Variants in MBNL3 observed in about 807,000 individuals in gnomAD.
The protein encoded by MBNL3 is muscleblind like splicing regulator 3.
In MBNL3, 6 loss-of-function variants were observed where a neutral mutation model predicts 24.5. The ratio of observed to expected loss-of-function variants is 0.25; its 90% CI spans 0.13 to 0.48. The LOEUF is 0.48. Among genes scored for constraint, MBNL3 ranks in the 20% least tolerant of loss-of-function variants. The probability of loss-of-function intolerance (pLI) is 0.99; values close to 1 mark genes in which losing one functional copy is unlikely to be tolerated. For synonymous variants in MBNL3, 100 were observed against 101.7 expected, an observed-to-expected ratio of 0.98 and a Z score of 0.10; for missense variants, 230 against 293.5, an observed-to-expected ratio of 0.78 and a Z score of 1.58.
chrX:132,409,476 A>G (rs769608750), intron 2 of MBNL3, among the ~76,000 whole-genome samples: 11 of 111,548 alleles, frequency 9.9e-5, no homozygotes, highest in Non-Finnish European at 2.1e-4. Context: ...AAGGTACCCT[A>G]TCACATTGGG....
chrX:132,457,158 A>G (rs758313841), intron 1 of MBNL3, among the ~76,000 whole-genome samples: 1 of 111,785 alleles, frequency 8.9e-6, no homozygotes, highest in Non-Finnish European at 1.9e-5. Context: ...TAAATTTACT[A>G]TATCAAAATC....
chrX:132,416,784 A>G (rs1161493551), intron 2 of MBNL3, among the ~76,000 whole-genome samples: 1 of 112,077 alleles, frequency 8.9e-6, no homozygotes, highest in Non-Finnish European at 1.9e-5. Context: ...AGTATCAGGC[A>G]TATGCCCAGG....
rs1934203128 is a variant in MBNL3 at position 132,376,936 on chromosome X, A to T, written c.*2730T>A. 9.0e-6 allele frequency: 1 copy of T among 111,660 alleles called. No homozygotes were observed. The highest frequency in any genetic ancestry group is 9.5e-5 in the Admixed American group (1 of 10,484). The allele number at this position is 111,660 out of a possible 1,213,427, so 9.2% of individuals were successfully genotyped here. On this transcript the variant is annotated 3_prime_UTR_variant, in exon 9 of 9. Coordinates refer to ENST00000370853, the MANE Select transcript of MBNL3 (RefSeq NM_001386889.1). ...TAGAAAATTGTGGCACCAAAAATAC[A>T]GTGGCCCTAAATACCCCTCACGGAA...
chrX:132,411,313 G>T (rs1603219470), intron 2 of MBNL3: 8 of 754,165 alleles, frequency 1.1e-5, no homozygotes, highest in Non-Finnish European at 1.3e-5. Context: ...GAGAGCAGAA[G>T]AATTTTCTTG....
At chrX:132,390,123 G>A (rs1054101885) in intron 5 of MBNL3, among the ~76,000 whole-genome samples, 24 of 108,075 alleles carry the variant, frequency 2.2e-4, no homozygotes, top group African/African-American at 7.8e-4. Context: ...AACCTGGGAG[G>A]CGGAGGTTAC....
intron 1 of MBNL3, among the ~76,000 whole-genome samples, chrX:132,464,336 G>T (rs1016970171): frequency 8.9e-6 from 1 of 112,047 alleles, no homozygotes; most frequent in African/African-American, 3.2e-5. Context: ...TCAGACAGTT[G>T]GGTTCTACTT....
At chrX:132,392,584 A>G (rs1452340739) in intron 3 of MBNL3, among the ~76,000 whole-genome samples, 1 of 112,453 alleles carries the variant, frequency 8.9e-6, no homozygotes, top group Non-Finnish European at 1.9e-5. Flanking sequence ...ACAGTCATGA[A>G]TTATCCAAAT....
At chrX:132,433,768 C>T (rs1365063394) in intron 2 of MBNL3, among the ~76,000 whole-genome samples, 1 of 111,390 alleles carries the variant, frequency 9.0e-6, no homozygotes, top group Admixed American at 9.5e-5. Flanking sequence ...TCCCTGCCCT[C>T]ATCTCCCACT....
At chrX:132,385,364 G>A (rs1935813928) in intron 6 of MBNL3, among the ~76,000 whole-genome samples, 1 of 111,371 alleles carries the variant, frequency 9.0e-6, no homozygotes, top group African/African-American at 3.3e-5. Flanking sequence ...CAACCACCTT[G>A]ACTAGACTTC....
At chrX:132,420,564 T>A (rs1374196247) in intron 2 of MBNL3, among the ~76,000 whole-genome samples, 1 of 111,741 alleles carries the variant, frequency 8.9e-6, no homozygotes, top group African/African-American at 3.3e-5. Context: ...GATAGATGAT[T>A]GGCTATTTTT....
intron 2 of MBNL3, among the ~76,000 whole-genome samples, chrX:132,408,876 C>T (rs1942291100): frequency 8.9e-6 from 1 of 112,250 alleles, no homozygotes; most frequent in South Asian, 3.7e-4. Flanking sequence ...ATTTATAAAG[C>T]TTCTATTTTG....
In MBNL3 at chrX:132,439,822, A is replaced by C; in HGVS notation, c.-211T>G. ...CATAAAAACTATCAGAATAACTAAA[A>C]ATGAAATTAGAGACCAACTCTTAAG... On this transcript the variant is annotated 5_prime_UTR_variant, in exon 2 of 9. The change creates a new upstream start codon in the 5' untranslated region. Transcript: ENST00000370853. 1 of 473,098 alleles carries C rather than the reference A, an allele frequency of 2.1e-6. No individual in the cohort carries two copies. The highest frequency in any genetic ancestry group is 3.0e-6 in the Non-Finnish European group (1 of 334,245). 39.0% of individuals were successfully genotyped at this position (473,098 alleles called of 1,213,427 possible). A position where few individuals can be genotyped will look rare whatever the true frequency, so the allele number is the denominator to read the frequency against.
chrX:132,457,224 C>A lies in MBNL3; in HGVS notation c.-703-16910G>T, dbSNP rs1472495947. 3.6e-5 allele frequency among the ~76,000 whole-genome samples: 4 copies of A among 111,562 alleles called. No homozygotes were observed. The South Asian group carries it at 1.5e-3, about 41-fold the overall frequency. On this transcript the variant is annotated intron_variant, in intron 1 of 8. Coordinates refer to ENST00000370853, the MANE Select transcript of MBNL3 (RefSeq NM_001386889.1). ...AATTTTTTAAAAAAAGATTTCACCA[C>A]AAGAGGTTTTCAGGACAAGATCTGA... is the stretch of plus-strand genomic sequence containing the variant.
intron 2 of MBNL3, among the ~76,000 whole-genome samples, chrX:132,406,632 A>C (rs1397715849): frequency 8.9e-6 from 1 of 111,781 alleles, no homozygotes; most frequent in Non-Finnish European, 1.9e-5. Flanking sequence ...GCATGATGGA[A>C]ACCAAAGTGT....
At chrX:132,473,400 A>G (rs1309494108) in intron 1 of MBNL3, among the ~76,000 whole-genome samples, 2 of 112,388 alleles carry the variant, frequency 1.8e-5, no homozygotes, top group African/African-American at 6.5e-5. Flanking sequence ...AATGCATTTA[A>G]GAAACATTTT....
At chrX:132,417,285 C>A (rs1943386771) in intron 2 of MBNL3, among the ~76,000 whole-genome samples, 1 of 111,185 alleles carries the variant, frequency 9.0e-6, no homozygotes. Context: ...CCTCCACAAA[C>A]AATGTAACTA....
At chrX:132,453,867 G>A (rs1011595319) in intron 1 of MBNL3, among the ~76,000 whole-genome samples, 6 of 110,697 alleles carry the variant, frequency 5.4e-5, no homozygotes, top group African/African-American at 2.0e-4. Context: ...TGAGGCGGGC[G>A]GATCACTTGA....
At chrX:132,425,431 C>T (rs976508185) in intron 2 of MBNL3, among the ~76,000 whole-genome samples, 3 of 111,984 alleles carry the variant, frequency 2.7e-5, no homozygotes, top group African/African-American at 9.7e-5. Context: ...GACTAAATTA[C>T]AGTTATTGTG....
intron 8 of MBNL3, among the ~76,000 whole-genome samples, chrX:132,381,725 G>A (rs778034611): frequency 1.8e-5 from 2 of 111,966 alleles, no homozygotes; most frequent in East Asian, 2.8e-4. Flanking sequence ...TAATCACTGC[G>A]AAATGATAAG....
Sources: allele counts gnomAD v4.1 joint callset (sites outside exome capture counted in the v4.1 genomes callset), GRCh38; gene constraint gnomAD v4.1.1; transcripts MANE v1.5; gene names NCBI Gene and HGNC (gene_info 2026-07-23, HGNC 2026-07-21).